LRRTM4: variants seen among roughly 807,000 people sequenced by gnomAD.
LRRTM4 encodes leucine rich repeat transmembrane neuronal 4.
In LRRTM4, 25 loss-of-function variants were observed where a neutral mutation model predicts 47.6. The observed-to-expected ratio is 0.53, with a 90% confidence interval of 0.38 to 0.73. LRRTM4 has a LOEUF of 0.73. LRRTM4 is among the 30% of genes least tolerant of loss of function. The pLI is 0.00. For synonymous variants in LRRTM4, 311 were observed against 269.5 expected (o/e 1.15, Z -1.51); for missense variants, 638 against 713.4 (o/e 0.89, Z 1.20).
intron 3 of LRRTM4, among the ~76,000 whole-genome samples, chr2:76,956,056 A>G (rs1675666053): frequency 6.6e-6 from 1 of 151,776 alleles, no homozygotes; most frequent in Non-Finnish European, 1.5e-5. Context: ...AATAATATTC[A>G]ACTGTAGGCT....
intron 3 of LRRTM4, among the ~76,000 whole-genome samples, chr2:77,320,492 C>T (rs1677757334): frequency 6.6e-6 from 1 of 152,100 alleles, no homozygotes; most frequent in African/African-American, 2.4e-5. Flanking sequence ...AAAATACTGC[C>T]TAGTGTTATT....
intron 3 of LRRTM4, among the ~76,000 whole-genome samples, chr2:77,395,953 G>T (rs911131662): frequency 1.9e-4 from 29 of 151,802 alleles, no homozygotes; most frequent in Non-Finnish European, 5.9e-5. Context: ...AAATGAATGT[G>T]ATTCTATGAC....
intron 3 of LRRTM4, among the ~76,000 whole-genome samples, chr2:76,927,590 A>G (rs1303819555): frequency 6.6e-6 from 1 of 152,152 alleles, no homozygotes; most frequent in Non-Finnish European, 1.5e-5. Flanking sequence ...ACCTTTCTCT[A>G]TTCCAATCCA....
intron 3 of LRRTM4, among the ~76,000 whole-genome samples, chr2:76,907,267 C>T (rs887512261): frequency 1.9e-5 from 2 of 104,344 alleles, no homozygotes; most frequent in Non-Finnish European, 3.8e-5. Flanking sequence ...GAAATGAAGG[C>T]AGAAATAAAG....
At chr2:76,887,716 A>G (rs2104138123) in intron 3 of LRRTM4, among the ~76,000 whole-genome samples, 1 of 150,600 alleles carries the variant, frequency 6.6e-6, no homozygotes, top group East Asian at 2.0e-4. Context: ...GGAGATAAAA[A>G]TTTTAAAATG....
chr2:77,518,036 C>T, intron 3 of LRRTM4: 1 of 1,143,842 alleles, frequency 8.7e-7, no homozygotes, highest in Non-Finnish European at 1.1e-6. Context: ...TTAAGTCCAA[C>T]CCCTGTATAC....
intron 3 of LRRTM4, among the ~76,000 whole-genome samples, chr2:77,435,513 A>T (rs1326718976): frequency 2.6e-5 from 4 of 152,188 alleles, no homozygotes; most frequent in African/African-American, 7.2e-5. Context: ...AAATGATTAT[A>T]ATGATAACAT....
At chr2:77,515,123 G>A (rs10445951) in intron 3 of LRRTM4, among the ~76,000 whole-genome samples, 41,000 of 151,582 alleles carry the variant, frequency 0.27, 5,661 homozygotes, top group African/African-American at 0.29. Flanking sequence ...TCCACTCAAA[G>A]TATGATTAGG....
chr2:76,792,735 T>C (rs1017068590), intron 3 of LRRTM4, among the ~76,000 whole-genome samples: 1 of 152,084 alleles, frequency 6.6e-6, no homozygotes, highest in Non-Finnish European at 1.5e-5. Context: ...AGTACATTTT[T>C]CCTGTAAATG....
At chr2:77,385,014 T>C (rs1338753419) in intron 3 of LRRTM4, among the ~76,000 whole-genome samples, 2 of 152,060 alleles carry the variant, frequency 1.3e-5, no homozygotes, top group Non-Finnish European at 2.9e-5. Flanking sequence ...ATTCTCTAAA[T>C]GCCATGCCAA....
chr2:77,099,284 T>C (rs948855790), intron 3 of LRRTM4, among the ~76,000 whole-genome samples: 8 of 151,908 alleles, frequency 5.3e-5, no homozygotes, highest in African/African-American at 1.9e-4. Flanking sequence ...TTGTATAGCA[T>C]TGAAAATGAA....
intron 3 of LRRTM4, among the ~76,000 whole-genome samples, chr2:76,884,817 G>A (rs1366762172): frequency 6.6e-6 from 1 of 152,026 alleles, no homozygotes; most frequent in Non-Finnish European, 1.5e-5. Flanking sequence ...ATAAATACTT[G>A]TGAATAAAAA....
At chr2:76,789,016 G>A (rs1573105452) in intron 3 of LRRTM4, among the ~76,000 whole-genome samples, 1 of 152,138 alleles carries the variant, frequency 6.6e-6, no homozygotes, top group African/African-American at 2.4e-5. Context: ...AACAGCTAAT[G>A]CTTGGCACCC....
intron 3 of LRRTM4, among the ~76,000 whole-genome samples, chr2:76,840,522 C>T (rs949303654): frequency 5.3e-5 from 8 of 151,996 alleles, no homozygotes; most frequent in African/African-American, 9.7e-5. Flanking sequence ...TGTTTATGTG[C>T]AGTAAATGTA....
At chr2:76,765,452 C>T (rs1673419995) in intron 3 of LRRTM4, among the ~76,000 whole-genome samples, 1 of 152,130 alleles carries the variant, frequency 6.6e-6, no homozygotes, top group Admixed American at 6.5e-5. Context: ...TGTGTCCTAA[C>T]CCTCAGTATG....
At chr2:76,823,311 A>G (rs1671103233) in intron 3 of LRRTM4, among the ~76,000 whole-genome samples, 1 of 151,448 alleles carries the variant, frequency 6.6e-6, no homozygotes, top group African/African-American at 2.4e-5. Context: ...ATTAGTAAAA[A>G]TGAATTTGCA....
Position 76,748,501 on chromosome 2 carries a change from C to T in LRRTM4, c.*194G>A, listed in dbSNP as rs1201199200. ...AGCAAAGAAAGTTCTGCAGTCCTCC[C>T]GGTAATGCTGCAGGTGCATTCGCTG... On this transcript the variant is annotated 3_prime_UTR_variant, in exon 4 of 4. Coordinates refer to ENST00000409884, the MANE Select transcript of LRRTM4 (RefSeq NM_001134745.3). 1.7e-6 allele frequency: 1 copy of T among 587,602 alleles called. No individual in the cohort carries two copies. Among genetic ancestry groups the T allele is most frequent in the South Asian group, 2.1e-5 (1 of 47,240 alleles). The allele number at this position is 587,602 out of a possible 1,614,324, so 36.4% of individuals were successfully genotyped here.
intron 3 of LRRTM4, among the ~76,000 whole-genome samples, chr2:76,904,944 C>T (rs370349839): frequency 9.9e-5 from 15 of 152,238 alleles, no homozygotes; most frequent in African/African-American, 2.2e-4. Context: ...GTGTGAGCGA[C>T]GCAGAAGATG....
chr2:76,934,349 T>A (rs1245293024), intron 3 of LRRTM4, among the ~76,000 whole-genome samples: 1 of 152,162 alleles, frequency 6.6e-6, no homozygotes, highest in Non-Finnish European at 1.5e-5. Flanking sequence ...TAAAAATGAT[T>A]AAGGTAGTCT....
Sources: allele counts gnomAD v4.1 joint callset (sites outside exome capture counted in the v4.1 genomes callset), GRCh38; gene constraint gnomAD v4.1.1; transcripts MANE v1.5; gene names NCBI Gene and HGNC (gene_info 2026-07-23, HGNC 2026-07-21).